ADRA1A: variants seen among roughly 807,000 people sequenced by gnomAD.
ADRA1A encodes alpha-1A adrenergic receptor.
ADRA1A carries 31 observed loss-of-function variants against 29.6 expected under a neutral mutation model. The ratio of observed to expected loss-of-function variants is 1.05; its 90% CI spans 0.79 to 1.41. The LOEUF is 1.41. ADRA1A is among the 40% of genes most tolerant of loss of function. The pLI is 0.00. For synonymous variants in ADRA1A, 311 were observed against 254.3 expected, an observed-to-expected ratio of 1.22 and a Z score of -2.12; for missense variants, 619 against 601.1, an observed-to-expected ratio of 1.03 and a Z score of -0.31.
chr8:26,754,275 C>T (rs1356705089), downstream of ADRA1A, among the ~76,000 whole-genome samples: 4 of 152,286 alleles, frequency 2.6e-5, no homozygotes, highest in South Asian at 6.2e-4. Flanking sequence ...ATGATTCACA[C>T]ACATAAATAT....
chr8:26,833,290 A>G (rs1188174393), intron 2 of ADRA1A, among the ~76,000 whole-genome samples: 1 of 152,014 alleles, frequency 6.6e-6, no homozygotes, highest in Non-Finnish European at 1.5e-5. Context: ...AAGCCATGCA[A>G]CCCAGCCCCC....
chr8:26,852,602 G>A (rs1465331819), intron 2 of ADRA1A, among the ~76,000 whole-genome samples: 1 of 152,014 alleles, frequency 6.6e-6, no homozygotes, highest in African/African-American at 2.4e-5. Flanking sequence ...TGGAAAATAC[G>A]AAAATAAAGA....
In ADRA1A at chr8:26,770,084, C is replaced by A. The variant is rs61760512; in HGVS notation, c.*65G>T. 16 of 1,513,698 alleles carry A rather than the reference C, an allele frequency of 1.1e-5. No individual in the cohort carries two copies. The highest frequency in any genetic ancestry group is 4.5e-5 in the Admixed American group (2 of 44,260). 93.8% of individuals were successfully genotyped at this position (1,513,698 alleles called of 1,614,324 possible). On this transcript the variant is annotated 3_prime_UTR_variant, in exon 3 of 3. Coordinates refer to ENST00000380573, the MANE Select transcript of ADRA1A (RefSeq NM_000680.4). Reference sequence around the variant, plus strand: ...TGTCTTGTCCTCCAAGAAGAGCTGGCCTTCCGAGAAGGAAGTGGGGTGGGT... The same window carrying A: ...TGTCTTGTCCTCCAAGAAGAGCTGGACTTCCGAGAAGGAAGTGGGGTGGGT...
chr8:26,854,709 G>A (rs754613410), intron 2 of ADRA1A: 3 of 152,282 alleles, frequency 2.0e-5, no homozygotes, highest in African/African-American at 4.8e-5. Context: ...AGGAAACAAT[G>A]GAGTCATAGT....
intron 2 of ADRA1A, among the ~76,000 whole-genome samples, chr8:26,846,534 C>T (rs541400188): frequency 2.0e-5 from 3 of 152,060 alleles, no homozygotes; most frequent in African/African-American, 7.2e-5. Flanking sequence ...TTTGGGAGGC[C>T]GAGGTGGGTG....
chr8:26,781,893 C>T (rs1236999033), intron 2 of ADRA1A, among the ~76,000 whole-genome samples: 3 of 152,198 alleles, frequency 2.0e-5, no homozygotes, highest in Middle Eastern at 3.2e-3. Flanking sequence ...AGGTCCTGAT[C>T]CTTGCCAGAA....
chr8:26,803,386 A>G (rs1808739146), intron 2 of ADRA1A, among the ~76,000 whole-genome samples: 1 of 152,226 alleles, frequency 6.6e-6, no homozygotes, highest in African/African-American at 2.4e-5. Flanking sequence ...TTAAAAATGA[A>G]AAAAGATGAC....
At chr8:26,798,432 G>A (rs1183398429) in intron 2 of ADRA1A, among the ~76,000 whole-genome samples, 2 of 152,192 alleles carry the variant, frequency 1.3e-5, no homozygotes, top group Non-Finnish European at 1.5e-5. Flanking sequence ...AAGCAGATCC[G>A]AATATACTTA....
At chr8:26,779,553 A>G in intron 2 of ADRA1A, 1 of 588,946 alleles carries the variant, frequency 1.7e-6, no homozygotes, top group Non-Finnish European at 3.0e-6. Flanking sequence ...CAGGATGATG[A>G]AGGAACGTGG....
rs1813098952 is a variant in ADRA1A at position 26,857,016 on chromosome 8, C to T, written c.883+7071G>A. ...CTCTGTGTACACACTTGCTGCTCTC[C>T]CATCAAGAGATGAGTCTGTCTCGCT... On this transcript the variant is annotated intron_variant, in intron 2 of 2. Transcript: ENST00000380573. Among the ~76,000 whole-genome samples, 3 of 152,312 alleles carry T rather than the reference C, an allele frequency of 2.0e-5. No individual in the cohort carries two copies. The South Asian group carries it at 6.2e-4, about 32-fold the overall frequency.
chr8:26,856,993 C>T (rs369174086), intron 2 of ADRA1A, among the ~76,000 whole-genome samples: 3 of 152,352 alleles, frequency 2.0e-5, no homozygotes, highest in African/African-American at 7.2e-5. Context: ...ATCTGCCCCT[C>T]TGTGTACACA....
chr8:26,796,686 G>A lies in ADRA1A; in HGVS notation c.884-26020C>T, dbSNP rs922856412. Among the ~76,000 whole-genome samples the A allele has an allele frequency of 2.6e-5, 4 of 152,152 alleles. No individual in the cohort carries two copies. The highest frequency in any genetic ancestry group is 9.7e-5 in the African/African-American group (4 of 41,440). On this transcript the variant is annotated intron_variant, in intron 2 of 2. Transcript: ENST00000380573. This position sits in a 1 kb window ranked among gnomAD's most constrained non-coding sequence, Gnocchi z 5.0. The stretch of plus-strand genomic sequence containing the variant: ...TTAAATGAAGGGGAATGATGCTAAA[G>A]GAGGGTCAGTGTAAAAGTGGATAGA...
At chr8:26,752,945 A>G (rs1804982987), downstream of ADRA1A, among the ~76,000 whole-genome samples, 1 of 152,226 alleles carries the variant, frequency 6.6e-6, no homozygotes, top group African/African-American at 2.4e-5. Flanking sequence ...GAGAAGAGGA[A>G]ATGAGGATTT....
At chr8:26,816,327 A>G (rs1430000641) in intron 2 of ADRA1A, among the ~76,000 whole-genome samples, 2 of 152,206 alleles carry the variant, frequency 1.3e-5, no homozygotes, top group Non-Finnish European at 2.9e-5. Flanking sequence ...GTTCAGACCT[A>G]TTGATTGGGA....
chr8:26,768,468 T>C (rs748880374), downstream of ADRA1A, among the ~76,000 whole-genome samples: 1 of 152,318 alleles, frequency 6.6e-6, no homozygotes, highest in Non-Finnish European at 1.5e-5. Flanking sequence ...TCCTTAGTAA[T>C]CTATAGCTTG....
chr8:26,830,250 C>G (rs1050104388), intron 2 of ADRA1A, among the ~76,000 whole-genome samples: 2 of 152,202 alleles, frequency 1.3e-5, no homozygotes, highest in Non-Finnish European at 2.9e-5. Flanking sequence ...AGAGATGCTT[C>G]ATGGTTTATT....
downstream of ADRA1A, among the ~76,000 whole-genome samples, chr8:26,752,790 G>C (rs931556221): frequency 3.3e-5 from 5 of 152,160 alleles, no homozygotes; most frequent in Admixed American, 6.5e-5. Context: ...AAACCCCCTA[G>C]CAAGATCACT....
At chr8:26,851,605 G>A (rs1812635096) in intron 2 of ADRA1A, among the ~76,000 whole-genome samples, 1 of 152,134 alleles carries the variant, frequency 6.6e-6, no homozygotes. Flanking sequence ...GTGAACAAAT[G>A]TGAATAAAAA....
At chr8:26,799,422 G>C (rs114095230) in intron 2 of ADRA1A, among the ~76,000 whole-genome samples, 2,643 of 152,314 alleles carry the variant, frequency 0.017, 69 homozygotes, top group African/African-American at 0.057. Flanking sequence ...GGAGAGAGCT[G>C]TGCAGTGACT....
Sources: allele counts gnomAD v4.1 joint callset (sites outside exome capture counted in the v4.1 genomes callset), GRCh38; gene constraint gnomAD v4.1.1; non-coding constraint Gnocchi (gnomAD v3.1); transcripts MANE v1.5; gene names NCBI Gene and HGNC (gene_info 2026-07-23, HGNC 2026-07-21).